Variants in CNTN1 observed in about 807,000 individuals in gnomAD.
The protein encoded by CNTN1 is contactin 1.
A neutral mutation model predicts 126.4 loss-of-function variants in CNTN1; 38 were observed. The observed-to-expected ratio is 0.30, with a 90% CI of 0.23 to 0.39. The LOEUF (loss-of-function observed/expected upper bound fraction) is 0.39, where lower values mean the gene tolerates loss of function less well. Among genes scored for constraint, CNTN1 ranks in the 10% least tolerant of loss-of-function variants. The pLI is 1.00. For synonymous variants in CNTN1, 413 were observed against 422.6 expected, an observed-to-expected ratio of 0.98 and a Z score of 0.28; for missense variants, 1,009 against 1,248.4, an observed-to-expected ratio of 0.81 and a Z score of 2.89.
rs1948599161 is a variant in CNTN1, at chr12:41,009,745, G to A, written c.2114-4483G>A. On this transcript the variant is annotated intron_variant, in intron 17 of 23. Transcript: ENST00000551295. ...CCCTTTCCTAGCCTCTGGCTTCAGT[G>A]GATATTGTTTCTGGTTAGGAAAAGA... Among the ~76,000 whole-genome samples the A allele has an allele frequency of 2.6e-5, 4 of 152,156 alleles. No homozygotes were observed. In the South Asian group the frequency reaches 8.3e-4, roughly 32 times the overall value.
At chr12:40,703,843 C>T (rs906484545) in intron 1 of CNTN1, among the ~76,000 whole-genome samples, 4 of 151,802 alleles carry the variant, frequency 2.6e-5, no homozygotes, top group East Asian at 1.9e-4. Context: ...ATGTGGTAGA[C>T]GTTGCATTGG....
chr12:40,979,791 C>A (rs531045973), intron 15 of CNTN1, among the ~76,000 whole-genome samples: 1 of 151,950 alleles, frequency 6.6e-6, no homozygotes, highest in Non-Finnish European at 1.5e-5. Context: ...TCTCACTTAT[C>A]TTTTAATTTC....
intron 1 of CNTN1, among the ~76,000 whole-genome samples, chr12:40,706,123 T>C (rs904370747): frequency 6.6e-6 from 1 of 151,350 alleles, no homozygotes; most frequent in African/African-American, 2.4e-5. Flanking sequence ...GATATATAGA[T>C]ATTTTTATTA....
intron 1 of CNTN1, among the ~76,000 whole-genome samples, chr12:40,751,949 A>G (rs1223453037): frequency 6.6e-6 from 1 of 152,078 alleles, no homozygotes; most frequent in Non-Finnish European, 1.5e-5. Context: ...GTGGTTCTCA[A>G]ATTGAAGCCA....
intron 1 of CNTN1, among the ~76,000 whole-genome samples, chr12:40,703,816 A>C (rs926573470): frequency 1.5e-5 from 2 of 134,166 alleles, no homozygotes; most frequent in Non-Finnish European, 3.3e-5. Flanking sequence ...GAGAGAGAAC[A>C]GAAATGCAGA....
At chr12:40,901,522 A>C (rs2136773287) in intron 1 of CNTN1, among the ~76,000 whole-genome samples, 1 of 152,332 alleles carries the variant, frequency 6.6e-6, no homozygotes, top group African/African-American at 2.4e-5. Context: ...TTATTGTAGT[A>C]AGTGTGCCAA....
intron 1 of CNTN1, among the ~76,000 whole-genome samples, chr12:40,707,040 GCTTGCGCACACACACACACA>G (rs1941765131): frequency 1.0e-5 from 1 of 100,434 alleles, no homozygotes; most frequent in South Asian, 3.1e-4. Flanking sequence ...GCGCGCGCGC[GCTTGCGCACACACACACACA>G]CACACACACA....
chr12:40,890,058 C>T (rs1944186654), intron 1 of CNTN1, among the ~76,000 whole-genome samples: 1 of 152,110 alleles, frequency 6.6e-6, no homozygotes, highest in Non-Finnish European at 1.5e-5. Context: ...AATACAGATA[C>T]ATGAGTGGTA....
At chr12:40,859,498 TTAAAA>T in intron 1 of CNTN1, among the ~76,000 whole-genome samples, 1 of 152,144 alleles carries the variant, frequency 6.6e-6, no homozygotes, top group Middle Eastern at 3.4e-3. Flanking sequence ...CAAAAAGTTA[TTAAAA>T]TAAATAAGTA....
rs543809814 is a variant in CNTN1, at chr12:40,722,356, T to C, written c.-77+29764T>C. 5.3e-4 allele frequency among the ~76,000 whole-genome samples: 80 copies of C among 152,332 alleles called. 2 individuals carry two copies. In the South Asian group the frequency reaches 0.016, roughly 30 times the overall value. On this transcript the variant is annotated intron_variant, in intron 1 of 23. Transcript: ENST00000551295. Reference sequence around the variant, plus strand: ...GAAGAAATATGGATGTCTTTGATTATATGTTGTTATTCCAAACATGTATAT... The same window carrying C: ...GAAGAAATATGGATGTCTTTGATTACATGTTGTTATTCCAAACATGTATAT...
intron 1 of CNTN1, among the ~76,000 whole-genome samples, chr12:40,784,084 G>A (rs1762029372): frequency 6.6e-6 from 1 of 152,086 alleles, no homozygotes; most frequent in African/African-American, 2.4e-5. Flanking sequence ...TGTTACAGAA[G>A]CCCAAAGGGT....
intron 1 of CNTN1, among the ~76,000 whole-genome samples, chr12:40,692,931 T>G (rs1219856691): frequency 6.6e-6 from 1 of 152,140 alleles, no homozygotes; most frequent in Non-Finnish European, 1.5e-5. Flanking sequence ...CCATATCGCC[T>G]CGGCAGGGGA....
chr12:41,038,423 T>A (rs1398254228), intron 23 of CNTN1, among the ~76,000 whole-genome samples: 1 of 152,196 alleles, frequency 6.6e-6, no homozygotes, highest in East Asian at 1.9e-4. Flanking sequence ...GGCTTGTAGA[T>A]GGCCGTGTCT....
intron 1 of CNTN1, among the ~76,000 whole-genome samples, chr12:40,745,281 T>C (rs1417941212): frequency 2.6e-5 from 4 of 152,164 alleles, no homozygotes; most frequent in South Asian, 4.1e-4. Context: ...CCATGGCTTA[T>C]GACACAACCC....
intron 1 of CNTN1, among the ~76,000 whole-genome samples, chr12:40,797,544 C>A (rs1378100042): frequency 6.6e-6 from 1 of 151,966 alleles, no homozygotes; most frequent in Non-Finnish European, 1.5e-5. Flanking sequence ...CAGGACCTGC[C>A]ATGGCCTGTT....
intron 15 of CNTN1, among the ~76,000 whole-genome samples, chr12:40,974,973 G>T (rs11179263): frequency 6.6e-6 from 1 of 151,520 alleles, no homozygotes; most frequent in Non-Finnish European, 1.5e-5. Context: ...TAGACTTGTT[G>T]TCATCCAGGT....
chr12:40,926,104 C>T lies in CNTN1; in HGVS notation c.496+1452C>T, dbSNP rs907505155. Among the ~76,000 whole-genome samples, 10 of 150,410 alleles carry T rather than the reference C, an allele frequency of 6.6e-5. 1 individual carries two copies. The highest frequency in any genetic ancestry group is 4.2e-4 in the South Asian group (2 of 4,774). ...GCTACCAGCCTTCAGAGGTCTTCCACGGGGAGAGTCAGACATTAATAAGAT... is the reference window on the plus strand; with the variant it reads ...GCTACCAGCCTTCAGAGGTCTTCCATGGGGAGAGTCAGACATTAATAAGAT... On this transcript the variant is annotated intron_variant, in intron 6 of 23. Coordinates refer to ENST00000551295, the MANE Select transcript of CNTN1 (RefSeq NM_001843.4).
At chr12:40,702,054 T>C (rs1565618565) in intron 1 of CNTN1, among the ~76,000 whole-genome samples, 3 of 152,180 alleles carry the variant, frequency 2.0e-5, no homozygotes, top group Non-Finnish European at 4.4e-5. Flanking sequence ...TGTCTGTTTT[T>C]AGAATCTACA....
At chr12:40,809,812 T>TCA (rs1491201033) in intron 1 of CNTN1, among the ~76,000 whole-genome samples, 84 of 42,126 alleles carry the variant, frequency 2.0e-3, no homozygotes, top group African/African-American at 6.8e-3. Flanking sequence ...TGAGACTCTG[T>TCA]CTCACACACA....
Sources: gnomAD v4.1 joint callset for allele counts (sites outside exome capture counted in the v4.1 genomes callset) on GRCh38, gnomAD v4.1.1 for gene constraint, MANE v1.5 for transcripts, NCBI Gene and HGNC (gene_info 2026-07-23, HGNC 2026-07-21) for gene names.